SPECC1L: variants seen among roughly 807,000 people sequenced by gnomAD.
The protein encoded by SPECC1L is cytospin-A.
Under a neutral mutation model 116.8 loss-of-function variants are expected in SPECC1L, and 40 were observed. The ratio of observed to expected loss-of-function variants is 0.34; its 90% confidence interval spans 0.27 to 0.45. SPECC1L has a LOEUF of 0.45. Ranked by LOEUF, SPECC1L falls within the 20% of genes least tolerant of loss-of-function variation. The pLI is 1.00. For missense variants in SPECC1L, 1,110 were observed against 1,373.6 expected, an observed-to-expected ratio of 0.81 and a Z score of 3.03; for synonymous variants, 504 against 500.6, an observed-to-expected ratio of 1.01 and a Z score of -0.09.
intron 6 of SPECC1L, among the ~76,000 whole-genome samples, chr22:24,325,537 G>GGATT (rs1337624595): frequency 1.5e-5 from 2 of 134,804 alleles, no homozygotes; most frequent in East Asian, 2.2e-4. Context: ...TTACTTAAAT[G>GGATT]GATTTATTTA....
At chr22:24,364,535 C>T (rs2041713110) in intron 12 of SPECC1L, among the ~76,000 whole-genome samples, 1 of 151,720 alleles carries the variant, frequency 6.6e-6, no homozygotes, top group Non-Finnish European at 1.5e-5. Context: ...TGGTGGCAGG[C>T]GCCTGTAATC....
chr22:24,411,829 T>C lies in SPECC1L; in HGVS notation c.3204+125T>C, dbSNP rs569470103. ...TGGCTTGCGATTGCCTCGTGCCATCTGGGTCTTCTGGGATCAGGTCATTCA... is the reference window on the plus strand; with the variant it reads ...TGGCTTGCGATTGCCTCGTGCCATCCGGGTCTTCTGGGATCAGGTCATTCA... On this transcript the variant is annotated intron_variant, in intron 15 of 16. Coordinates refer to ENST00000314328, the MANE Select transcript of SPECC1L (RefSeq NM_015330.6). 6.3e-6 allele frequency: 5 copies of C among 788,784 alleles called. No homozygotes were observed. In the South Asian group the frequency reaches 6.9e-5, roughly 11 times the overall value. 48.9% of individuals were successfully genotyped at this position (788,784 alleles called of 1,614,324 possible). A position where few individuals can be genotyped will look rare whatever the true frequency, so the allele number is the denominator to read the frequency against.
intron 14 of SPECC1L, among the ~76,000 whole-genome samples, chr22:24,370,116 T>C (rs1259299197): frequency 6.6e-6 from 1 of 152,252 alleles, no homozygotes. Context: ...AAGGTGTGGC[T>C]ACAACATTTG....
intron 11 of SPECC1L, among the ~76,000 whole-genome samples, chr22:24,348,745 G>A (rs2041355692): frequency 6.6e-6 from 1 of 152,216 alleles, no homozygotes; most frequent in South Asian, 2.1e-4. Flanking sequence ...GCCATGGCCT[G>A]GCTGTTAACT....
Position 24,369,244 on chromosome 22 carries a change from C to T in SPECC1L, c.3011C>T (p.Ala1004Val). ...GAAGAAAGGAAAGACCCTCTCTCAG[C>T]ATTGGCCAGAGAATATGGAGGATCA... ...IREERKDPLS[A>V]LAREYGGSKR... The change falls in exon 14 of 17, where the codon GCA becomes GTA. Residue 1004 changes from alanine (A) to valine (V), a missense_variant. Ala to Val is a moderately conservative substitution (Grantham distance 64). Around this residue, in one of 4 missense-constraint regions of SPECC1L, gnomAD observed 76 missense variants for 148.5 expected, o/e 0.51. Transcript: ENST00000314328. 6.2e-7 allele frequency: 1 copy of T among 1,613,878 alleles called. No individual in the cohort carries two copies. Among genetic ancestry groups the T allele is most frequent in the Non-Finnish European group, 8.5e-7 (1 of 1,179,734 alleles).
chr22:24,399,274 T>C (rs907713237), intron 14 of SPECC1L, among the ~76,000 whole-genome samples: 3 of 152,146 alleles, frequency 2.0e-5, no homozygotes, highest in Admixed American at 6.5e-5. Flanking sequence ...TTCATTTGAC[T>C]AAAAAAAGTT....
chr22:24,374,434 A>G (rs1047843993), intron 14 of SPECC1L, among the ~76,000 whole-genome samples: 1 of 152,190 alleles, frequency 6.6e-6, no homozygotes, highest in African/African-American at 2.4e-5. Context: ...ATGGAATACT[A>G]TGCAGCCATA....
chr22:24,289,808 G>T (rs897750334), intron 2 of SPECC1L, among the ~76,000 whole-genome samples: 1 of 150,980 alleles, frequency 6.6e-6, no homozygotes, highest in South Asian at 2.1e-4. Flanking sequence ...TTCTGTCCAC[G>T]TGGGGTTATT....
At chr22:24,414,120 C>CA (rs1274144360) in intron 16 of SPECC1L, among the ~76,000 whole-genome samples, 1 of 152,200 alleles carries the variant, frequency 6.6e-6, no homozygotes, top group Non-Finnish European at 1.5e-5. Context: ...TGAAGGCCGT[C>CA]AGAGTGTTGG....
chr22:24,408,787 G>A (rs1030291190), intron 14 of SPECC1L, among the ~76,000 whole-genome samples: 9 of 152,220 alleles, frequency 5.9e-5, no homozygotes, highest in Admixed American at 2.0e-4. Flanking sequence ...CACAGACACT[G>A]GAACGTTCTG....
chr22:24,366,233 C>T lies in SPECC1L; in HGVS notation c.2984+601C>T, dbSNP rs1344195093. Among the ~76,000 whole-genome samples the T allele has an allele frequency of 4.6e-5, 7 of 152,042 alleles. No individual in the cohort carries two copies. In the East Asian group the frequency reaches 1.4e-3, roughly 29 times the overall value. ...TTTTTGAGATGGAGCCTCGCTGTCG[C>T]CCAGGTTGGAGTGCAGTGGCGCGAT... is the stretch of plus-strand genomic sequence containing the variant. On this transcript the variant is annotated intron_variant, in intron 13 of 16. Transcript: ENST00000314328.
intron 2 of SPECC1L, 98 bp downstream of exon 2, chr22:24,276,901 C>T: frequency 4.2e-6 from 1 of 236,596 alleles, no homozygotes; most frequent in Non-Finnish European, 8.8e-6. Context: ...TTGGTTCTAC[C>T]CCACTGGGCC....
At chr22:24,396,796 A>G (rs1466729826) in intron 14 of SPECC1L, among the ~76,000 whole-genome samples, 2 of 152,100 alleles carry the variant, frequency 1.3e-5, no homozygotes, top group Admixed American at 1.3e-4. Flanking sequence ...AGGGTCCTCA[A>G]CACTCTTTAT....
At chr22:24,325,660 G>A (rs1170638720) in intron 6 of SPECC1L, among the ~76,000 whole-genome samples, 2 of 151,916 alleles carry the variant, frequency 1.3e-5, no homozygotes, top group Non-Finnish European at 2.9e-5. Flanking sequence ...GAATTCTGTG[G>A]CCATGAATGA....
chr22:24,348,808 C>T (rs751412455), intron 11 of SPECC1L, among the ~76,000 whole-genome samples: 19 of 152,182 alleles, frequency 1.2e-4, no homozygotes, highest in Non-Finnish European at 2.6e-4. Flanking sequence ...GAACACCTAG[C>T]TCACTGGGTT....
intron 2 of SPECC1L, among the ~76,000 whole-genome samples, chr22:24,294,491 T>C (rs112526664): frequency 6.6e-5 from 10 of 151,378 alleles, no homozygotes; most frequent in African/African-American, 1.5e-4. Context: ...AAGCGATTCT[T>C]CTGCCTCAGC....
chr22:24,383,804 T>C (rs1433594095), intron 14 of SPECC1L, among the ~76,000 whole-genome samples: 1 of 27,156 alleles, frequency 3.7e-5, no homozygotes, highest in South Asian at 1.3e-3. Context: ...TTTTTTTTTT[T>C]TTTTTTTTTT....
intron 7 of SPECC1L, 26 bp from the exon 8 acceptor site, chr22:24,330,230 A>G: frequency 6.2e-7 from 1 of 1,612,000 alleles, no homozygotes; most frequent in Non-Finnish European, 8.5e-7. Flanking sequence ...CTCTTTTGGA[A>G]ATAAAAAGTT....
intron 2 of SPECC1L, among the ~76,000 whole-genome samples, chr22:24,287,204 A>AGTGTGTGACT (rs1441442678): frequency 1.3e-5 from 2 of 152,108 alleles, no homozygotes; most frequent in African/African-American, 4.8e-5. Context: ...GGTATGTGAG[A>AGTGTGTGACT]GTGTGTGACT....
Sources: gnomAD v4.1 joint callset for allele counts (sites outside exome capture counted in the v4.1 genomes callset) on GRCh38, gnomAD v4.1.1 for gene constraint, gnomAD v4.1.1 regional missense constraint, MANE v1.5 for transcripts, NCBI Gene and HGNC (gene_info 2026-07-23, HGNC 2026-07-21) for gene names.